The following DCTN4 variants were observed in gnomAD, a reference collection of about 807,000 sequenced individuals.
DCTN4 encodes dynactin subunit 4, also known as dynactin 4 (p62).
Under a neutral mutation model 62.7 loss-of-function variants are expected in DCTN4, and 23 were observed. The observed-to-expected ratio is 0.37, with a 90% CI of 0.26 to 0.52. DCTN4 has a LOEUF of 0.52. Among genes scored for constraint, DCTN4 ranks in the 20% least tolerant of loss-of-function variants. DCTN4 has a pLI of 0.92. For synonymous variants in DCTN4, 199 were observed against 202.1 expected, an observed-to-expected ratio of 0.98 and a Z score of 0.13; for missense variants, 514 against 580.4, an observed-to-expected ratio of 0.89 and a Z score of 1.18.
chr5:150,725,429 T>G (rs1399424751), intron 8 of DCTN4, among the ~76,000 whole-genome samples: 1 of 151,924 alleles, frequency 6.6e-6, no homozygotes, highest in African/African-American at 2.4e-5. Flanking sequence ...TAATCTTTTT[T>G]AAGAAATCAA....
chr5:150,729,800 A>G (rs1255689430), intron 8 of DCTN4, among the ~76,000 whole-genome samples: 1 of 152,034 alleles, frequency 6.6e-6, no homozygotes, highest in Non-Finnish European at 1.5e-5. Context: ...TAGTTTTTTA[A>G]TAGCATCGAA....
rs1410120493 is a variant in DCTN4, at chr5:150,747,110, T to C, written c.386-4953A>G. Among the ~76,000 whole-genome samples, 8 of 152,132 alleles carry C rather than the reference T, an allele frequency of 5.3e-5. No homozygotes were observed. The East Asian group carries it at 1.3e-3, about 26-fold the overall frequency. Reference sequence around the variant, plus strand: ...GCAAAGTCTCGGGATACAAAATCAATGTACAAAAATCACAAGCATTCTTAT... The same window carrying C: ...GCAAAGTCTCGGGATACAAAATCAACGTACAAAAATCACAAGCATTCTTAT... On this transcript the variant is annotated intron_variant, in intron 3 of 12. Coordinates refer to ENST00000447998, the MANE Select transcript of DCTN4 (RefSeq NM_016221.4).
chr5:150,755,678 T>C, intron 2 of DCTN4: 1 of 425,472 alleles, frequency 2.4e-6, no homozygotes, highest in Non-Finnish European at 4.7e-6. Flanking sequence ...AATTTTAAGA[T>C]TCTCCTATCA....
intron 11 of DCTN4, among the ~76,000 whole-genome samples, chr5:150,717,774 G>C (rs1759820015): frequency 6.6e-6 from 1 of 152,190 alleles, no homozygotes. Flanking sequence ...CAATTCTCCA[G>C]TGTCAAAGTT....
chr5:150,725,181 G>C (rs200714667), intron 8 of DCTN4, among the ~76,000 whole-genome samples: 11 of 136,822 alleles, frequency 8.0e-5, no homozygotes, highest in African/African-American at 3.1e-4. Flanking sequence ...AAAAAAAAAA[G>C]TATCCCATAT....
chr5:150,744,587 A>C (rs1760891929), intron 3 of DCTN4, among the ~76,000 whole-genome samples: 1 of 152,280 alleles, frequency 6.6e-6, no homozygotes, highest in Non-Finnish European at 1.5e-5. Context: ...CTAACAGCGG[A>C]TCTCTCAGCA....
At chr5:150,735,574 T>C (rs1760548537) in intron 4 of DCTN4, among the ~76,000 whole-genome samples, 1 of 152,050 alleles carries the variant, frequency 6.6e-6, no homozygotes, top group Non-Finnish European at 1.5e-5. Flanking sequence ...GCAATAACAA[T>C]AATTGCAGTC....
At chr5:150,756,199 A>G (rs767523121) in intron 2 of DCTN4, among the ~76,000 whole-genome samples, 43 of 151,868 alleles carry the variant, frequency 2.8e-4, no homozygotes, top group Non-Finnish European at 6.3e-4. Context: ...GTGCCACCAC[A>G]CCTAGCTAAT....
intron 4 of DCTN4, among the ~76,000 whole-genome samples, chr5:150,741,102 C>T (rs571827493): frequency 7.0e-6 from 1 of 143,714 alleles, no homozygotes; most frequent in East Asian, 2.1e-4. Context: ...GAGGTTGAGG[C>T]TGCAGTGAGC....
rs368208066 is a variant in DCTN4, at chr5:150,710,355, C to G, written c.*794G>C. Reference sequence around the variant, plus strand: ...AGTAAGACAAATAAAGATTGCCCCCCTGTGGCAGCATTAATCCCTGGGTAT... The same window carrying G: ...AGTAAGACAAATAAAGATTGCCCCCGTGTGGCAGCATTAATCCCTGGGTAT... On this transcript the variant is annotated 3_prime_UTR_variant, in exon 13 of 13. Transcript: ENST00000447998. The G allele has an allele frequency of 3.3e-5, 5 of 152,304 alleles. No individual in the cohort carries two copies. Among genetic ancestry groups the G allele is most frequent in the African/African-American group, 7.2e-5 (3 of 41,434 alleles). 9.4% of individuals were successfully genotyped at this position (152,304 alleles called of 1,614,324 possible).
intron 3 of DCTN4, among the ~76,000 whole-genome samples, chr5:150,749,392 G>A (rs530792564): frequency 1.8e-4 from 28 of 152,208 alleles, no homozygotes; most frequent in Admixed American, 6.5e-5. Context: ...AAACCACAGT[G>A]AAGTACTGCT....
rs1392807719 is a variant in DCTN4, at chr5:150,723,954, T to C, written c.835-974A>G. On this transcript the variant is annotated intron_variant, in intron 8 of 12. Transcript: ENST00000447998. The stretch of plus-strand genomic sequence containing the variant: ...TTCTATAACTTACATAAGATAGAAA[T>C]TGATGGACATTCAGGATGTTTCCAT... 3.3e-5 allele frequency among the ~76,000 whole-genome samples: 5 copies of C among 152,206 alleles called. No homozygotes were observed. The South Asian group carries it at 1.0e-3, about 31-fold the overall frequency.
At chr5:150,723,534 T>C (rs1760028380) in intron 8 of DCTN4, among the ~76,000 whole-genome samples, 1 of 150,762 alleles carries the variant, frequency 6.6e-6, no homozygotes, top group African/African-American at 2.5e-5. Flanking sequence ...AGTGGCACAA[T>C]CAAAGCTCAC....
intron 4 of DCTN4, among the ~76,000 whole-genome samples, chr5:150,739,568 A>G (rs1035216814): frequency 2.0e-5 from 3 of 152,212 alleles, no homozygotes; most frequent in Non-Finnish European, 4.4e-5. Context: ...TCACAGAACT[A>G]GTAAAAACAA....
chr5:150,731,106 G>A lies in DCTN4; in HGVS notation c.662C>T (p.Ala221Val). The change falls in exon 7 of 13, where the codon GCT becomes GTT. Residue 221 changes from alanine (A) to valine (V), a missense_variant. Physicochemically the swap from Ala to Val is moderately conservative, Grantham distance 64. Transcript: ENST00000447998. Reference protein sequence around the residue: ...QKEIKIEPAQAVDEVEPLPED... With the variant: ...QKEIKIEPAQVVDEVEPLPED... ...AGGTAGAGGTTCCACTTCATCCACA[G>A]CCTGAGCTGGCTCAATCTTTATCTC... 6.2e-7 allele frequency: 1 copy of A among 1,613,246 alleles called. No homozygotes were observed. Among genetic ancestry groups the A allele is most frequent in the Non-Finnish European group, 8.5e-7 (1 of 1,179,272 alleles).
rs918254622 is a variant in DCTN4 at position 150,746,903 on chromosome 5, A to G, written c.386-4746T>C. Among the ~76,000 whole-genome samples, 4 of 152,042 alleles carry G rather than the reference A, an allele frequency of 2.6e-5. No homozygotes were observed. In the East Asian group the frequency reaches 7.7e-4, roughly 29 times the overall value. ...CAAGACAGGGATGCCCTCTCTCACCACTCCTATTCAACATAGTGTTGGGAG... is the reference window on the plus strand; with the variant it reads ...CAAGACAGGGATGCCCTCTCTCACCGCTCCTATTCAACATAGTGTTGGGAG... On this transcript the variant is annotated intron_variant, in intron 3 of 12. Transcript: ENST00000447998.
Position 150,731,417 on chromosome 5 carries a change from A to T in DCTN4, c.610T>A (p.Ser204Thr). ...AAGTCATTTCATGTCTAAACTTACG[A>T]AAGTCCGGCAAGGGTACTGATGGAT... ...GASISTLAGL[S>T]LKEGEDQKEI... is the part of the protein sequence containing the mutation. The change falls in exon 6 of 13, where the codon TCC (serine) becomes ACC (threonine). Residue 204 changes from serine (S) to threonine (T), a missense_variant and splice_region_variant. Ser to Thr is a moderately conservative substitution (Grantham distance 58). Coordinates refer to ENST00000447998, the MANE Select transcript of DCTN4 (RefSeq NM_016221.4). 1 of 1,613,716 alleles carries T rather than the reference A, an allele frequency of 6.2e-7. No homozygotes were observed. The highest frequency in any genetic ancestry group is 8.5e-7 in the Non-Finnish European group (1 of 1,179,842).
chr5:150,714,403 G>A (rs549870322), intron 12 of DCTN4, among the ~76,000 whole-genome samples: 22 of 151,600 alleles, frequency 1.5e-4, no homozygotes, highest in Middle Eastern at 3.4e-3. Flanking sequence ...TTTTGAGACA[G>A]GGTATCACTC....
intron 8 of DCTN4, among the ~76,000 whole-genome samples, chr5:150,724,147 T>C (rs1760054650): frequency 1.3e-5 from 2 of 152,318 alleles, no homozygotes; most frequent in Admixed American, 1.3e-4. Context: ...GATTATGAAA[T>C]GATATTCCAC....
Sources: allele counts gnomAD v4.1 joint callset (sites outside exome capture counted in the v4.1 genomes callset), GRCh38; gene constraint gnomAD v4.1.1; transcripts MANE v1.5; gene names NCBI Gene and HGNC (gene_info 2026-07-23, HGNC 2026-07-21).